PMPCB: variants seen among roughly 807,000 people sequenced by gnomAD.
PMPCB encodes peptidase, mitochondrial processing subunit beta, also known as mitochondrial-processing peptidase subunit beta.
A neutral mutation model predicts 61.5 loss-of-function variants in PMPCB; 46 were observed. The ratio of observed to expected loss-of-function variants is 0.75; its 90% CI spans 0.59 to 0.96. The LOEUF (loss-of-function observed/expected upper bound fraction) is 0.96. PMPCB is among the 40% of genes least tolerant of loss of function. The pLI, the probability that PMPCB is intolerant of heterozygous loss-of-function variation, is 0.00. For missense variants in PMPCB, 590 were observed against 602.4 expected, an observed-to-expected ratio of 0.98 and a Z score of 0.22; for synonymous variants, 191 against 201.6, an observed-to-expected ratio of 0.95 and a Z score of 0.44.
At chr7:103,309,251 G>A (rs546871260) in intron 8 of PMPCB, 156 bp downstream of exon 8, 143 of 570,068 alleles carry the variant, frequency 2.5e-4, no homozygotes, top group Non-Finnish European at 3.2e-4. Context: ...TGGATTGCAT[G>A]TGGGCCAGAA....
chr7:103,299,385 C>T, intron 2 of PMPCB, 58 bp from the exon 3 acceptor site: 3 of 1,021,154 alleles, frequency 2.9e-6, no homozygotes, highest in Non-Finnish European at 4.4e-6. Context: ...GGAGACTGTT[C>T]CCCCCAACCT....
intron 12 of PMPCB, among the ~76,000 whole-genome samples, chr7:103,328,118 C>T (rs1307169485): frequency 6.6e-6 from 1 of 151,786 alleles, no homozygotes; most frequent in Non-Finnish European, 1.5e-5. Flanking sequence ...AACAAGGTTT[C>T]ACTATGTTGG....
At chr7:103,341,862 G>C in the PMPCB span, 5 of 1,613,010 alleles carry the variant, frequency 3.1e-6, no homozygotes, top group Non-Finnish European at 4.2e-6. Context: ...TTATCCTCCA[G>C]TTCCTGAAAA....
chr7:103,322,422 G>GT (rs1232923857), intron 12 of PMPCB: 72 of 1,263,276 alleles, frequency 5.7e-5, no homozygotes, highest in Admixed American at 1.1e-4. Flanking sequence ...TCGAATTATA[G>GT]TTTTTTTTAA....
In PMPCB at chr7:103,309,103, A is replaced by T; in HGVS notation, c.993+8A>T. On this transcript the variant is annotated splice_region_variant and intron_variant, in intron 8 of 12. Transcript: ENST00000249269. ...TCTTTTGGGGGAGGAATGGTAAGTG[A>T]TTTTAAAAGAAATTTTCCATAACAG... is the stretch of plus-strand genomic sequence containing the variant. The T allele has an allele frequency of 6.3e-7, 1 of 1,579,724 alleles. No individual in the cohort carries two copies. Among genetic ancestry groups the T allele is most frequent in the Non-Finnish European group, 8.6e-7 (1 of 1,165,058 alleles).
At chr7:103,324,484 G>T in intron 12 of PMPCB, 1 of 1,491,294 alleles carries the variant, frequency 6.7e-7, no homozygotes, top group South Asian at 1.3e-5. Flanking sequence ...TCACTTACCA[G>T]AAAGAATAAA....
chr7:103,311,997 C>G, intron 11 of PMPCB, 59 bp from the exon 12 acceptor site: 1 of 1,560,292 alleles, frequency 6.4e-7, no homozygotes, highest in South Asian at 1.2e-5. Flanking sequence ...TAAAAAGTTC[C>G]AGGTATAGAC....
At chr7:103,326,238 A>G (rs1043997674) in intron 12 of PMPCB, among the ~76,000 whole-genome samples, 10 of 152,200 alleles carry the variant, frequency 6.6e-5, no homozygotes, top group Admixed American at 2.0e-4. Context: ...TCGGCCTTCC[A>G]AAGTGCTGGG....
Position 103,312,724 on chromosome 7 carries a change from C to A in PMPCB, c.*453C>A. 1 of 1,582,020 alleles carries A rather than the reference C, an allele frequency of 6.3e-7. No individual in the cohort carries two copies. Among genetic ancestry groups the A allele is most frequent in the African/African-American group, 1.4e-5 (1 of 73,466 alleles). ...AATCTAGTGTTTGGTGTAAAGAATT[C>A]AAGCAACTAAGATAGATAGTACTAA... On this transcript the variant is annotated 3_prime_UTR_variant, in exon 13 of 13. Transcript: ENST00000249269.
chr7:103,314,933 A>G (rs905128730), downstream of PMPCB, among the ~76,000 whole-genome samples: 1 of 152,218 alleles, frequency 6.6e-6, no homozygotes, highest in Non-Finnish European at 1.5e-5. Flanking sequence ...AACTTTTTCC[A>G]CATAAACTGC....
At chr7:103,339,217 T>C in the PMPCB span, among the ~76,000 whole-genome samples, 1 of 152,220 alleles carries the variant, frequency 6.6e-6, no homozygotes, top group African/African-American at 2.4e-5. Context: ...TAATACTGTC[T>C]TGTTCAGTAC....
At chr7:103,304,772 C>T (rs987658651) in intron 6 of PMPCB, among the ~76,000 whole-genome samples, 1 of 152,018 alleles carries the variant, frequency 6.6e-6, no homozygotes, top group Non-Finnish European at 1.5e-5. Flanking sequence ...ACCAGCCTGA[C>T]TAATATGGTG....
chr7:103,310,602 G>C (rs1243994079), intron 9 of PMPCB, 127 bp downstream of exon 9: 2 of 602,260 alleles, frequency 3.3e-6, no homozygotes. Context: ...ATAAACAGTA[G>C]TTGCCATGTT....
chr7:103,315,711 A>T, downstream of PMPCB: 2 of 1,230,620 alleles, frequency 1.6e-6, no homozygotes, highest in Non-Finnish European at 2.4e-6. Flanking sequence ...TGTACGTCCA[A>T]GCAGCACAGA....
chr7:103,315,724 C>A (rs748290681), downstream of PMPCB: 2 of 1,367,494 alleles, frequency 1.5e-6, no homozygotes, highest in African/African-American at 1.4e-5. Context: ...AGCACAGATA[C>A]ATGGCTAGCA....
intron 12 of PMPCB, chr7:103,323,685 C>T: frequency 6.5e-6 from 9 of 1,375,268 alleles, no homozygotes; most frequent in Non-Finnish European, 8.8e-6. Context: ...AGAAATAATA[C>T]ATGATCAAGA....
At chr7:103,300,893 AG>A (rs1407436954) in intron 4 of PMPCB, among the ~76,000 whole-genome samples, 1 of 152,154 alleles carries the variant, frequency 6.6e-6, no homozygotes, top group African/African-American at 2.4e-5. Flanking sequence ...CATGTTGGCC[AG>A]GCTGGACTTA....
chr7:103,300,944 A>G (rs1817434226), intron 4 of PMPCB, among the ~76,000 whole-genome samples: 1 of 152,208 alleles, frequency 6.6e-6, no homozygotes, highest in Non-Finnish European at 1.5e-5. Context: ...TCGGCCTCCC[A>G]AAGTGCTGGG....
chr7:103,326,453 A>G, intron 12 of PMPCB: 3 of 1,277,992 alleles, frequency 2.3e-6, no homozygotes, highest in Non-Finnish European at 3.4e-6. Context: ...TATAAATGAA[A>G]CTATTATCAG....
Sources: allele counts gnomAD v4.1 joint callset (sites outside exome capture counted in the v4.1 genomes callset), GRCh38; gene constraint gnomAD v4.1.1; transcripts MANE v1.5; gene names NCBI Gene and HGNC (gene_info 2026-07-23, HGNC 2026-07-21).